PPFIA2: variants seen among roughly 807,000 people sequenced by gnomAD.
PPFIA2 encodes PPFI scaffold protein A2, also known as liprin-alpha-2.
Under a neutral mutation model 175.5 loss-of-function variants are expected in PPFIA2, and 46 were observed. The ratio of observed to expected loss-of-function variants is 0.26; its 90% CI spans 0.21 to 0.34. The LOEUF is 0.34. PPFIA2 is among the 10% of genes least tolerant of loss of function. The pLI is 1.00. For synonymous variants in PPFIA2, 568 were observed against 511.4 expected (o/e 1.11, Z -1.49); for missense variants, 1,179 against 1,506.1 (o/e 0.78, Z 3.60).
At chr12:81,402,904 T>G (rs1296294200) in intron 8 of PPFIA2, among the ~76,000 whole-genome samples, 2 of 152,316 alleles carry the variant, frequency 1.3e-5, no homozygotes, top group East Asian at 1.9e-4. Context: ...TACAACACTT[T>G]ATTGGAACAT....
At chr12:81,427,839 G>C (rs759661907) in intron 7 of PPFIA2, among the ~76,000 whole-genome samples, 27 of 151,862 alleles carry the variant, frequency 1.8e-4, no homozygotes, top group Non-Finnish European at 2.4e-4. Context: ...TGAAAGATAC[G>C]TCCAAAATTT....
intron 17 of PPFIA2, 21 bp downstream of exon 17, chr12:81,353,098 A>T: frequency 6.2e-7 from 1 of 1,600,026 alleles, no homozygotes; most frequent in Non-Finnish European, 8.6e-7. Flanking sequence ...TCTTGAAATC[A>T]TCAGTACTAA....
intron 9 of PPFIA2, among the ~76,000 whole-genome samples, chr12:81,383,225 A>C (rs2038146714): frequency 6.6e-6 from 1 of 152,174 alleles, no homozygotes; most frequent in Non-Finnish European, 1.5e-5. Flanking sequence ...ACAACTAGCT[A>C]GTTATATACA....
At chr12:81,729,172 G>C (rs1248640570) in intron 3 of PPFIA2, among the ~76,000 whole-genome samples, 1 of 151,286 alleles carries the variant, frequency 6.6e-6, no homozygotes. Flanking sequence ...TTTTTTTATA[G>C]GGTCCAAATA....
At chr12:81,435,660 T>C (rs1204531824) in intron 7 of PPFIA2, among the ~76,000 whole-genome samples, 1 of 152,124 alleles carries the variant, frequency 6.6e-6, no homozygotes, top group Non-Finnish European at 1.5e-5. Flanking sequence ...TAAAATCATA[T>C]AATGATGATA....
At chr12:81,744,461 T>C (rs2082771537) in intron 3 of PPFIA2, among the ~76,000 whole-genome samples, 1 of 151,338 alleles carries the variant, frequency 6.6e-6, no homozygotes. Flanking sequence ...TTCACTATTG[T>C]TGCCCAGGCT....
rs150914704 is a variant in PPFIA2, at chr12:81,398,056, T to C, written c.762+7731A>G. 2.6e-3 allele frequency among the ~76,000 whole-genome samples: 396 copies of C among 152,156 alleles called. 1 individual carries two copies. The highest frequency in any genetic ancestry group is 9.2e-3 in the African/African-American group (382 of 41,528). ...AATTATTTCATTATATATTTCAATG[T>C]AATAATTTAAATAAAGTGCAAAATA... On this transcript the variant is annotated intron_variant, in intron 8 of 32. Coordinates refer to ENST00000549396, the MANE Select transcript of PPFIA2 (RefSeq NM_003625.5).
intron 4 of PPFIA2, among the ~76,000 whole-genome samples, chr12:81,578,166 CAA>C (rs1467996480): frequency 3.3e-5 from 5 of 151,720 alleles, no homozygotes; most frequent in Non-Finnish European, 7.4e-5. Context: ...TGTGAGCAAT[CAA>C]GAGAGGTAGG....
chr12:81,397,202 T>C (rs1161073208), intron 8 of PPFIA2, among the ~76,000 whole-genome samples: 1 of 151,886 alleles, frequency 6.6e-6, no homozygotes, highest in Admixed American at 6.6e-5. Flanking sequence ...ATGAGATTGA[T>C]TGGAATCATG....
chr12:81,497,838 C>T (rs371329876), intron 4 of PPFIA2, among the ~76,000 whole-genome samples: 5 of 152,108 alleles, frequency 3.3e-5, no homozygotes, highest in East Asian at 3.9e-4. Context: ...CACACCTGAC[C>T]CTCATAGTTG....
rs184296725 is a variant in PPFIA2, at chr12:81,665,206, A to C, written c.303+11585T>G. Among the ~76,000 whole-genome samples, 14 of 152,160 alleles carry C rather than the reference A, an allele frequency of 9.2e-5. 1 individual carries two copies. In the East Asian group the frequency reaches 1.2e-3, roughly 13 times the overall value. The stretch of plus-strand genomic sequence containing the variant: ...TGTAATAAAAATAAACGTGAAAAAA[A>C]TTTACGGTACATCAAAAGGAAGACT... On this transcript the variant is annotated intron_variant, in intron 4 of 32. Coordinates refer to ENST00000549396, the MANE Select transcript of PPFIA2 (RefSeq NM_003625.5).
intron 4 of PPFIA2, chr12:81,506,140 A>C (rs747269894): frequency 7.2e-5 from 11 of 152,240 alleles, no homozygotes; most frequent in Non-Finnish European, 1.2e-4. Context: ...TGAGGATGTC[A>C]GAAGTTATCT....
chr12:81,343,045 C>A (rs559884804), intron 19 of PPFIA2, among the ~76,000 whole-genome samples: 2 of 151,928 alleles, frequency 1.3e-5, no homozygotes, highest in African/African-American at 4.8e-5. Flanking sequence ...GATTTGAATT[C>A]TGATTTTTCT....
At chr12:81,316,777 T>G (rs2052459000) in intron 22 of PPFIA2, among the ~76,000 whole-genome samples, 1 of 151,608 alleles carries the variant, frequency 6.6e-6, no homozygotes, top group African/African-American at 2.4e-5. Context: ...ATAAAGAGAC[T>G]GGGGAATTCT....
chr12:81,503,867 G>A (rs1533812), intron 4 of PPFIA2, among the ~76,000 whole-genome samples: 77,242 of 151,678 alleles, frequency 0.51, 19,883 homozygotes, highest in African/African-American at 0.57. Flanking sequence ...TTAGTCTTAA[G>A]ACTCATTAAA....
intron 31 of PPFIA2, among the ~76,000 whole-genome samples, chr12:81,262,629 C>T (rs993193541): frequency 1.3e-5 from 2 of 152,172 alleles, no homozygotes; most frequent in Admixed American, 1.3e-4. Flanking sequence ...AAAGTTGTCT[C>T]TCCTCTGGAA....
intron 22 of PPFIA2, chr12:81,312,218 T>G: frequency 6.7e-7 from 1 of 1,495,472 alleles, no homozygotes; most frequent in Non-Finnish European, 9.0e-7. Context: ...CACACAAATG[T>G]TAATGGATAC....
chr12:81,729,746 G>C (rs943027170), intron 3 of PPFIA2, among the ~76,000 whole-genome samples: 6 of 151,512 alleles, frequency 4.0e-5, no homozygotes, highest in Non-Finnish European at 8.9e-5. Context: ...GCAGCAGAAG[G>C]AAAAGTAAGG....
intron 4 of PPFIA2, among the ~76,000 whole-genome samples, chr12:81,557,409 T>G (rs2069095063): frequency 6.6e-6 from 1 of 151,990 alleles, no homozygotes; most frequent in Non-Finnish European, 1.5e-5. Context: ...TCCCCATATC[T>G]TAAATGGATA....
Sources: allele counts gnomAD v4.1 joint callset (sites outside exome capture counted in the v4.1 genomes callset), GRCh38; gene constraint gnomAD v4.1.1; transcripts MANE v1.5; gene names NCBI Gene and HGNC (gene_info 2026-07-23, HGNC 2026-07-21).